CNTRL: variants seen among roughly 807,000 people sequenced by gnomAD.
CNTRL encodes the protein 110 kDa centrosomal protein.
Under a neutral mutation model 303.7 loss-of-function variants are expected in CNTRL, and 233 were observed. The observed-to-expected ratio is 0.77, with a 90% CI of 0.69 to 0.86. CNTRL has a LOEUF of 0.86. CNTRL is among the 40% of genes least tolerant of loss of function. The pLI, the probability that CNTRL is intolerant of heterozygous loss-of-function variation, is 0.00. For synonymous variants in CNTRL, 900 were observed against 922.2 expected (o/e 0.98, Z 0.44); for missense variants, 2,524 against 2,650.6 (o/e 0.95, Z 1.05).
At position 121,092,723 on chromosome 9, in the gene CNTRL, A is replaced by C. The variant is rs1407530327; in HGVS notation, c.349-2165A>C. On this transcript the variant is annotated intron_variant, in intron 4 of 43. Coordinates refer to ENST00000373855, the MANE Select transcript of CNTRL (RefSeq NM_007018.6). ...ATATCTATATATATAATATATATCT[A>C]TATATATATAATATATATCTATATA... Among the ~76,000 whole-genome samples the C allele has an allele frequency of 2.3e-4, 3 of 12,916 alleles. 1 individual carries two copies. The highest frequency in any genetic ancestry group is 3.1e-4 in the Non-Finnish European group (2 of 6,376). 8.5% of individuals were successfully genotyped at this position (12,916 alleles called of 152,430 possible). A position where few individuals can be genotyped will look rare whatever the true frequency, so the allele number is the denominator to read the frequency against.
intron 30 of CNTRL, 119 bp from the exon 31 acceptor site, chr9:121,158,736 G>T: frequency 1.0e-6 from 1 of 982,524 alleles, no homozygotes; most frequent in Non-Finnish European, 1.5e-6. Flanking sequence ...TGGCTTTTCT[G>T]ACTCTTGGGG....
intron 14 of CNTRL, among the ~76,000 whole-genome samples, chr9:121,130,678 T>G (rs2133717369): frequency 6.6e-6 from 1 of 152,352 alleles, no homozygotes; most frequent in Middle Eastern, 3.4e-3. Context: ...TGCTAGCTTT[T>G]GAATGTGTTT....
At chr9:121,149,432 C>T (rs1433578630) in intron 24 of CNTRL, among the ~76,000 whole-genome samples, 5 of 150,836 alleles carry the variant, frequency 3.3e-5, no homozygotes, top group South Asian at 4.2e-4. Flanking sequence ...GAGGGAGTCT[C>T]GCTCTGTCAC....
At chr9:121,122,072 A>G (rs939815543) in intron 12 of CNTRL, 12 of 317,228 alleles carry the variant, frequency 3.8e-5, no homozygotes, top group African/African-American at 2.0e-4. Context: ...CGCAGAATCT[A>G]CTTTTGTTCC....
chr9:121,143,366 A>G (rs1219268889), intron 19 of CNTRL, among the ~76,000 whole-genome samples: 1 of 152,096 alleles, frequency 6.6e-6, no homozygotes, highest in Non-Finnish European at 1.5e-5. Flanking sequence ...TCGATCTGTC[A>G]CTTCTACTCA....
At chr9:121,121,830 C>G (rs1027479751) in intron 12 of CNTRL, 57 of 985,230 alleles carry the variant, frequency 5.8e-5, no homozygotes, top group Middle Eastern at 5.2e-4. Flanking sequence ...GAGGCGCTTG[C>G]AAAAATGTGG....
chr9:121,085,631 A>T (rs1181718841), intron 2 of CNTRL, among the ~76,000 whole-genome samples: 2 of 152,242 alleles, frequency 1.3e-5, no homozygotes, highest in Non-Finnish European at 2.9e-5. Context: ...AGTGTAATAA[A>T]CAGGGAGGAT....
chr9:121,167,833 G>T (rs2053155101), intron 37 of CNTRL, among the ~76,000 whole-genome samples, 156 bp downstream of exon 37: 1 of 152,166 alleles, frequency 6.6e-6, no homozygotes, highest in African/African-American at 2.4e-5. Flanking sequence ...TACCAACTGT[G>T]TGACTCTCTT....
At chr9:121,131,374 A>G (rs775699738) in intron 14 of CNTRL, among the ~76,000 whole-genome samples, 14 of 152,120 alleles carry the variant, frequency 9.2e-5, no homozygotes, top group Non-Finnish European at 1.6e-4. Context: ...TGATCCCTTC[A>G]CCATTATGTA....
intron 10 of CNTRL, 137 bp from the exon 11 acceptor site, chr9:121,114,954 A>C: frequency 1.9e-6 from 1 of 537,834 alleles, no homozygotes; most frequent in Non-Finnish European, 3.3e-6. Flanking sequence ...ATTACTTTAA[A>C]ATTTTTTTGT....
chr9:121,103,537 A>C (rs1414595866), intron 7 of CNTRL, among the ~76,000 whole-genome samples: 1 of 152,258 alleles, frequency 6.6e-6, no homozygotes, highest in Non-Finnish European at 1.5e-5. Flanking sequence ...ACAAAAGCCA[A>C]AATTGACAGA....
chr9:121,104,410 G>T (rs1367918393), intron 7 of CNTRL, among the ~76,000 whole-genome samples: 1 of 152,136 alleles, frequency 6.6e-6, no homozygotes, highest in African/African-American at 2.4e-5. Context: ...AGCATTAGGA[G>T]AAATACCTAA....
chr9:121,080,724 T>C (rs2048104949), intron 2 of CNTRL, among the ~76,000 whole-genome samples: 1 of 152,306 alleles, frequency 6.6e-6, no homozygotes, highest in African/African-American at 2.4e-5. Flanking sequence ...ATTCCAAAAA[T>C]TGAATATATT....
chr9:121,152,486 A>G lies in CNTRL; in HGVS notation c.3965A>G (p.Glu1322Gly). Reference protein sequence around the residue: ...HCNVPEHHNLENEVSRLEDIM... With the variant: ...HCNVPEHHNLGNEVSRLEDIM... ...CATTTTTTTCCCCATCTCATTCAGG[A>G]GAATGAAGTTTCTAGATTAGAAGAC... The change falls in exon 26 of 44, where the codon GAG (glutamate) becomes GGG (glycine). Residue 1322 changes from glutamate to glycine, a missense_variant and splice_region_variant. Coordinates refer to ENST00000373855, the MANE Select transcript of CNTRL (RefSeq NM_007018.6). The G allele has an allele frequency of 6.2e-7, 1 of 1,609,204 alleles. No individual in the cohort carries two copies. The highest frequency in any genetic ancestry group is 8.5e-7 in the Non-Finnish European group (1 of 1,175,658).
At position 121,141,360 on chromosome 9, in the gene CNTRL, AT is replaced by A. The variant is rs1307401975; in HGVS notation, c.2484-16del. 5 of 1,577,102 alleles carry A rather than the reference AT, an allele frequency of 3.2e-6. No individual in the cohort carries two copies. Among genetic ancestry groups the A allele is most frequent in the Non-Finnish European group, 2.6e-6 (3 of 1,148,444 alleles). ...AAAAATTAAATGTCACATTTATACC[AT>A]TTTTCCCCCTCCTTACTAGCATCCA... is the stretch of plus-strand genomic sequence containing the variant. On this transcript the variant is annotated intron_variant, in intron 17 of 43. Coordinates refer to ENST00000373855, the MANE Select transcript of CNTRL (RefSeq NM_007018.6).
chr9:121,171,371 G>C (rs1250688702), intron 39 of CNTRL, 37 bp from the exon 40 acceptor site: 1 of 1,612,662 alleles, frequency 6.2e-7, no homozygotes, highest in Admixed American at 1.7e-5. Flanking sequence ...ACCTCCATGT[G>C]TTAGATCGCA....
chr9:121,094,640 A>C (rs770759656), intron 4 of CNTRL, among the ~76,000 whole-genome samples: 45 of 152,178 alleles, frequency 3.0e-4, no homozygotes, highest in Non-Finnish European at 2.5e-4. Context: ...ATCTTGTTGG[A>C]TAGTCTTGAG....
At position 121,177,155 on chromosome 9, in the gene CNTRL, T is replaced by C; in HGVS notation, c.6955-8T>C. ...ATTTGATTTATCCTTCCTTTTGTCT[T>C]ACTGTAGGAAAAGAATGCCTCAGCC... On this transcript the variant is annotated splice_polypyrimidine_tract_variant and splice_region_variant and intron_variant, in intron 43 of 43. Coordinates refer to ENST00000373855, the MANE Select transcript of CNTRL (RefSeq NM_007018.6). 1 of 1,610,048 alleles carries C rather than the reference T, an allele frequency of 6.2e-7. No individual in the cohort carries two copies. The highest frequency in any genetic ancestry group is 8.5e-7 in the Non-Finnish European group (1 of 1,176,890).
intron 20 of CNTRL, 35 bp from the exon 21 acceptor site, chr9:121,144,808 G>A (rs2051738375): frequency 6.9e-7 from 1 of 1,447,418 alleles, no homozygotes; most frequent in Non-Finnish European, 9.7e-7. Context: ...ACCTGTGATA[G>A]CAGTGGTGCC....
Sources: allele counts gnomAD v4.1 joint callset (sites outside exome capture counted in the v4.1 genomes callset), GRCh38; gene constraint gnomAD v4.1.1; transcripts MANE v1.5; gene names NCBI Gene and HGNC (gene_info 2026-07-23, HGNC 2026-07-21).